The following MTREX variants were observed in gnomAD, a reference collection of about 807,000 sequenced individuals.
MTREX encodes the protein exosome RNA helicase MTR4.
In MTREX, 76 loss-of-function variants were observed where a neutral mutation model predicts 135.4. That is an observed-to-expected ratio of 0.56 (90% CI 0.47 to 0.68). MTREX has a LOEUF of 0.68. Among genes scored for constraint, MTREX ranks in the 30% least tolerant of loss-of-function variants. MTREX has a pLI of 0.00. For synonymous variants in MTREX, 404 were observed against 401.6 expected, an observed-to-expected ratio of 1.01 and a Z score of -0.07; for missense variants, 920 against 1,262.1, an observed-to-expected ratio of 0.73 and a Z score of 4.11.
chr5:55,330,181 G>A (rs541116804), intron 5 of MTREX, among the ~76,000 whole-genome samples: 2 of 152,042 alleles, frequency 1.3e-5, no homozygotes, highest in East Asian at 3.9e-4. Context: ...GTGGGCTCAA[G>A]CAGTCCAACT....
rs1255129276 is a variant in MTREX, at chr5:55,384,291, G to A, written c.2053-3683G>A. ...TCTGCTAGTTCAGATCTACTGTTGG[G>A]CTCCTCTAGTAATTTTCCTCACTTC... On this transcript the variant is annotated intron_variant, in intron 18 of 26. Coordinates refer to ENST00000230640, the MANE Select transcript of MTREX (RefSeq NM_015360.5). Among the ~76,000 whole-genome samples, 4 of 152,218 alleles carry A rather than the reference G, an allele frequency of 2.6e-5. No individual in the cohort carries two copies. The South Asian group carries it at 8.3e-4, about 32-fold the overall frequency.
Position 55,329,011 on chromosome 5 carries a change from A to G in MTREX, c.515+200A>G, listed in dbSNP as rs145065380. Among the ~76,000 whole-genome samples, 60 of 152,290 alleles carry G rather than the reference A, an allele frequency of 3.9e-4. No individual in the cohort carries two copies. The East Asian group carries it at 7.3e-3, about 19-fold the overall frequency. ...ACATTCTTTTCTTGTTCCTCATATT[A>G]GGAGAAAAACACTCAGGCTTTCATC... On this transcript the variant is annotated intron_variant, in intron 5 of 26. Coordinates refer to ENST00000230640, the MANE Select transcript of MTREX (RefSeq NM_015360.5).
intron 22 of MTREX, among the ~76,000 whole-genome samples, chr5:55,408,074 A>G (rs1256648298): frequency 3.3e-5 from 5 of 152,128 alleles, no homozygotes; most frequent in Non-Finnish European, 7.4e-5. Context: ...CCTTTGTGCC[A>G]TTCTATTTGG....
chr5:55,381,389 A>G (rs186822124), intron 18 of MTREX, among the ~76,000 whole-genome samples: 1 of 152,294 alleles, frequency 6.6e-6, no homozygotes, highest in East Asian at 1.9e-4. Context: ...TTACAATTAT[A>G]GAGGTTTTAC....
chr5:55,324,085 T>C (rs969041811), intron 2 of MTREX, 47 bp from the exon 3 acceptor site: 3 of 1,364,906 alleles, frequency 2.2e-6, no homozygotes, highest in African/African-American at 1.4e-5. Context: ...TATCAAATTA[T>C]AGAAAAGTAA....
In MTREX at chr5:55,425,097, G is replaced by T; in HGVS notation, c.*325G>T. ...GCATCCAAGAGGCATAGCAGCAGCA[G>T]AAGTCTTTAAAGGCTTGTACACCAG... On this transcript the variant is annotated 3_prime_UTR_variant, in exon 27 of 27. Coordinates refer to ENST00000230640, the MANE Select transcript of MTREX (RefSeq NM_015360.5). 10 of 1,383,446 alleles carry T rather than the reference G, an allele frequency of 7.2e-6. No individual in the cohort carries two copies. Among genetic ancestry groups the T allele is most frequent in the Non-Finnish European group, 9.8e-6 (10 of 1,018,124 alleles). 85.7% of individuals were successfully genotyped at this position (1,383,446 alleles called of 1,614,324 possible).
rs531328267 is a variant in MTREX at position 55,424,979 on chromosome 5, C to T, written c.*207C>T. The T allele has an allele frequency of 7.4e-5, 48 of 650,790 alleles. No individual in the cohort carries two copies. The East Asian group carries it at 1.3e-3, about 17-fold the overall frequency. 40.3% of individuals were successfully genotyped at this position (650,790 alleles called of 1,614,324 possible). A position where few individuals can be genotyped will look rare whatever the true frequency, so the allele number is the denominator to read the frequency against. ...TTAATAAAAATGTATACAGGTGGGG[C>T]ACTGTTTTGGTGGAAGGCTTGGAGT... On this transcript the variant is annotated 3_prime_UTR_variant, in exon 27 of 27. Coordinates refer to ENST00000230640, the MANE Select transcript of MTREX (RefSeq NM_015360.5).
At chr5:55,373,163 AT>A (rs201810075) in intron 16 of MTREX, among the ~76,000 whole-genome samples, 9 of 144,036 alleles carry the variant, frequency 6.2e-5, no homozygotes, top group Admixed American at 1.4e-4. Flanking sequence ...TTCATAATAA[AT>A]TTTTTTTGAC....
chr5:55,333,400 C>G (rs1749506673), intron 5 of MTREX, among the ~76,000 whole-genome samples: 1 of 152,172 alleles, frequency 6.6e-6, no homozygotes, highest in South Asian at 2.1e-4. Flanking sequence ...TTTGACTACT[C>G]TTAGTTCAAT....
At chr5:55,343,082 T>C (rs1749677633) in intron 7 of MTREX, among the ~76,000 whole-genome samples, 1 of 152,206 alleles carries the variant, frequency 6.6e-6, no homozygotes, top group Non-Finnish European at 1.5e-5. Context: ...TTTGGAAAGA[T>C]TAACCCTGGA....
At chr5:55,364,523 A>G (rs1365824501) in intron 15 of MTREX, among the ~76,000 whole-genome samples, 5 of 152,244 alleles carry the variant, frequency 3.3e-5, no homozygotes, top group African/African-American at 9.6e-5. Flanking sequence ...TTAAGTAATC[A>G]TATATTATTG....
chr5:55,378,596 A>C (rs1276370654), intron 17 of MTREX, 110 bp downstream of exon 17: 2 of 1,209,662 alleles, frequency 1.7e-6, no homozygotes, highest in African/African-American at 3.1e-5. Flanking sequence ...CTGCTACAAT[A>C]GTTGATCTAT....
intron 19 of MTREX, among the ~76,000 whole-genome samples, chr5:55,388,614 G>A (rs942683375): frequency 3.9e-5 from 6 of 152,174 alleles, no homozygotes; most frequent in African/African-American, 1.4e-4. Context: ...CAGTGTAAGT[G>A]TTCTTAGCAC....
chr5:55,382,191 T>A lies in MTREX; in HGVS notation c.2052+2996T>A, dbSNP rs547179494. On this transcript the variant is annotated intron_variant, in intron 18 of 26. Transcript: ENST00000230640. ...ATAGTTGGATTTGCAGCTGCCATTT[T>A]AATTTTTGTTTTCTGTGTCTTGTGT... Among the ~76,000 whole-genome samples the A allele has an allele frequency of 2.8e-4, 42 of 152,294 alleles. 2 individuals carry two copies. The South Asian group carries it at 8.3e-3, about 30-fold the overall frequency.
At chr5:55,353,718 A>G (rs1011348003) in intron 14 of MTREX, among the ~76,000 whole-genome samples, 10 of 152,126 alleles carry the variant, frequency 6.6e-5, no homozygotes, top group Non-Finnish European at 1.3e-4. Context: ...AAATTAATTA[A>G]TTGAACAAAC....
chr5:55,344,623 A>G lies in MTREX; in HGVS notation c.1005+3A>G. ...TGCATCTTGTGGTTGATGAAAATGT[A>G]AGAGAGTAATTGTCCTTTTTAAATC... is the stretch of plus-strand genomic sequence containing the variant. On this transcript the variant is annotated splice_donor_region_variant and intron_variant, in intron 9 of 26. Transcript: ENST00000230640. The G allele has an allele frequency of 6.5e-7, 1 of 1,547,000 alleles. No individual in the cohort carries two copies. The highest frequency in any genetic ancestry group is 8.9e-7 in the Non-Finnish European group (1 of 1,122,556).
chr5:55,322,280 G>T, intron 1 of MTREX, 47 bp from the exon 2 acceptor site: 1 of 1,526,694 alleles, frequency 6.6e-7, no homozygotes, highest in Non-Finnish European at 8.8e-7. Context: ...TGCCCTTAAA[G>T]TAAAAGTGGA....
At position 55,324,159 on chromosome 5, in the gene MTREX, G is replaced by C. The variant is rs757443695; in HGVS notation, c.300G>C (p.Lys100Asn). The C allele has an allele frequency of 1.2e-6, 2 of 1,611,070 alleles. No homozygotes were observed. The highest frequency in any genetic ancestry group is 1.7e-6 in the Non-Finnish European group (2 of 1,178,650). Residue 100 changes from lysine to asparagine, a missense_variant, in exon 3 of 27, where the codon AAG (lysine) becomes AAC (asparagine). By Grantham distance (94) the Lys-to-Asn change is moderately conservative. Around this residue, in one of 6 missense-constraint regions of MTREX, gnomAD observed 136 missense variants for 126.7 expected, o/e 1.07. Coordinates refer to ENST00000230640, the MANE Select transcript of MTREX (RefSeq NM_015360.5). ...TGGCAGACCTGATGCCCAGAGTCAA[G>C]GTACAATCAGTTGAAACTGTTGAAG... Reference protein sequence around the residue: ...LSLADLMPRVKVQSVETVEGC... With the variant: ...LSLADLMPRVNVQSVETVEGC...
chr5:55,375,496 G>A (rs1750281855), intron 16 of MTREX, among the ~76,000 whole-genome samples: 1 of 152,132 alleles, frequency 6.6e-6, no homozygotes, highest in Non-Finnish European at 1.5e-5. Flanking sequence ...CCGGCTCACT[G>A]GCGGTCAGAG....
Sources: allele counts gnomAD v4.1 joint callset (sites outside exome capture counted in the v4.1 genomes callset), GRCh38; gene constraint gnomAD v4.1.1; regional missense constraint gnomAD v4.1.1; transcripts MANE v1.5; gene names NCBI Gene and HGNC (gene_info 2026-07-23, HGNC 2026-07-21).